Variants in ARHGAP10 observed in about 807,000 individuals in gnomAD.
ARHGAP10 encodes the protein Rho GTPase activating protein 10.
A neutral mutation model predicts 108.6 loss-of-function variants in ARHGAP10; 87 were observed. That is an observed-to-expected ratio of 0.80 (90% CI 0.67 to 0.96). ARHGAP10 has a LOEUF of 0.96. Ranked by LOEUF, ARHGAP10 falls within the 40% of genes least tolerant of loss-of-function variation. ARHGAP10 has a pLI of 0.00. For synonymous variants in ARHGAP10, 347 were observed against 341.1 expected (o/e 1.02, Z -0.19); for missense variants, 939 against 954.5 (o/e 0.98, Z 0.21).
chr4:147,962,225 G>T (rs973271348), intron 16 of ARHGAP10, among the ~76,000 whole-genome samples: 6 of 152,164 alleles, frequency 3.9e-5, no homozygotes, highest in African/African-American at 1.4e-4. Flanking sequence ...GTGAAACACT[G>T]CTCGTCTCTG....
At chr4:147,972,497 G>C (rs1420053552) in intron 18 of ARHGAP10, among the ~76,000 whole-genome samples, 3 of 152,150 alleles carry the variant, frequency 2.0e-5, no homozygotes, top group Admixed American at 2.0e-4. Context: ...GGTTTGAACT[G>C]AGATTGACCC....
At chr4:147,783,124 A>G (rs28489636) in intron 1 of ARHGAP10, among the ~76,000 whole-genome samples, 49 of 142,918 alleles carry the variant, frequency 3.4e-4, no homozygotes, top group African/African-American at 1.2e-3. Flanking sequence ...ATTATATATT[A>G]TATAATTTAT....
At chr4:147,901,252 A>G (rs17024101) in intron 10 of ARHGAP10, among the ~76,000 whole-genome samples, 4,860 of 152,298 alleles carry the variant, frequency 0.032, 190 homozygotes, top group African/African-American at 0.094. Flanking sequence ...TATTTTTCCT[A>G]CACTAATACT....
intron 5 of ARHGAP10, among the ~76,000 whole-genome samples, chr4:147,858,651 C>G (rs1448793715): frequency 6.6e-6 from 1 of 152,154 alleles, no homozygotes; most frequent in Non-Finnish European, 1.5e-5. Context: ...GGGTAGGGCT[C>G]TGTTCTCTCC....
chr4:147,900,336 A>T (rs1402187583), intron 10 of ARHGAP10, among the ~76,000 whole-genome samples: 1 of 152,250 alleles, frequency 6.6e-6, no homozygotes, highest in East Asian at 1.9e-4. Flanking sequence ...AAAAGAATTT[A>T]TGAATTTAAG....
intron 1 of ARHGAP10, among the ~76,000 whole-genome samples, chr4:147,786,155 T>G (rs931356496): frequency 4.4e-4 from 67 of 151,982 alleles, no homozygotes; most frequent in African/African-American, 1.5e-3. Flanking sequence ...TCTAAAGAGG[T>G]CTGTGAAGTA....
intron 1 of ARHGAP10, among the ~76,000 whole-genome samples, chr4:147,776,613 C>T (rs1216097775): frequency 6.6e-6 from 1 of 152,164 alleles, no homozygotes; most frequent in African/African-American, 2.4e-5. Context: ...AGACAGCAAG[C>T]TGACTAGAAA....
intron 20 of ARHGAP10, among the ~76,000 whole-genome samples, chr4:148,051,247 C>T (rs965460411): frequency 6.6e-6 from 1 of 152,208 alleles, no homozygotes; most frequent in East Asian, 1.9e-4. Context: ...CTCAGTAAGG[C>T]GATGGGTGAC....
At chr4:148,046,787 A>G in intron 19 of ARHGAP10, 105 bp from the exon 20 acceptor site, 1 of 1,173,358 alleles carries the variant, frequency 8.5e-7, no homozygotes, top group Non-Finnish European at 1.2e-6. Context: ...CTGTAAATGT[A>G]ATTTTATCAT....
rs552912280 is a variant in ARHGAP10, at chr4:147,791,996, G to A, written c.155-30731G>A. 1.9e-3 allele frequency among the ~76,000 whole-genome samples: 296 copies of A among 152,282 alleles called. 2 individuals carry two copies. Among genetic ancestry groups the A allele is most frequent in the African/African-American group, 6.9e-3 (287 of 41,548 alleles). On this transcript the variant is annotated intron_variant, in intron 1 of 22. Coordinates refer to ENST00000336498, the MANE Select transcript of ARHGAP10 (RefSeq NM_024605.4). Reference sequence around the variant, plus strand: ...AACATTCTTATACATGTCTCCTGACGCGTGTATGATGTGTATGTGCGTTTC... The same window carrying A: ...AACATTCTTATACATGTCTCCTGACACGTGTATGATGTGTATGTGCGTTTC...
intron 10 of ARHGAP10, among the ~76,000 whole-genome samples, chr4:147,900,782 T>G (rs1057439832): frequency 6.6e-6 from 1 of 151,540 alleles, no homozygotes; most frequent in Admixed American, 6.6e-5. Context: ...TTTTCCCTCC[T>G]TCCTCCCTTT....
rs112177385 is a variant in ARHGAP10 at position 147,930,408 on chromosome 4, A to G, written c.1229-9417A>G. On this transcript the variant is annotated intron_variant, in intron 13 of 22. Transcript: ENST00000336498. Reference sequence around the variant, plus strand: ...ATTTGTTAAATATATACCATAGGCTAAGGACAAGTTGAGGTATTAAGAATA... The same window carrying G: ...ATTTGTTAAATATATACCATAGGCTGAGGACAAGTTGAGGTATTAAGAATA... 3.7e-3 allele frequency among the ~76,000 whole-genome samples: 571 copies of G among 152,320 alleles called. 3 individuals are homozygous for G. The highest frequency in any genetic ancestry group is 0.013 in the African/African-American group (546 of 41,570).
At chr4:147,759,568 T>A (rs2126703368) in intron 1 of ARHGAP10, among the ~76,000 whole-genome samples, 1 of 132,108 alleles carries the variant, frequency 7.6e-6, no homozygotes, top group African/African-American at 2.8e-5. Flanking sequence ...CTGGGTAGCA[T>A]AGTGATACAC....
chr4:147,935,811 A>G (rs1737907086), intron 13 of ARHGAP10, among the ~76,000 whole-genome samples: 2 of 152,242 alleles, frequency 1.3e-5, no homozygotes, highest in South Asian at 4.1e-4. Context: ...GCGATTTCCA[A>G]GCTGCTTTTG....
intron 5 of ARHGAP10, among the ~76,000 whole-genome samples, chr4:147,858,922 C>G (rs1478251302): frequency 1.3e-5 from 2 of 152,194 alleles, no homozygotes; most frequent in African/African-American, 2.4e-5. Flanking sequence ...CTTACACTCC[C>G]CATCTAGTCC....
At chr4:147,962,459 G>T (rs1739037269) in intron 16 of ARHGAP10, among the ~76,000 whole-genome samples, 1 of 152,198 alleles carries the variant, frequency 6.6e-6, no homozygotes, top group Non-Finnish European at 1.5e-5. Context: ...TTTTGCAGAT[G>T]AGGGAGCTGA....
chr4:148,009,536 G>A (rs965215344), intron 18 of ARHGAP10, among the ~76,000 whole-genome samples: 4 of 152,222 alleles, frequency 2.6e-5, no homozygotes, highest in Non-Finnish European at 5.9e-5. Context: ...GATATAATGT[G>A]TTAACAATTT....
chr4:147,805,201 A>G (rs1286129901), intron 1 of ARHGAP10, among the ~76,000 whole-genome samples: 1 of 152,188 alleles, frequency 6.6e-6, no homozygotes, highest in Non-Finnish European at 1.5e-5. Flanking sequence ...ATGGCTAGCC[A>G]GTTGTTCCAG....
chr4:147,903,014 C>A (rs368266632), intron 10 of ARHGAP10, among the ~76,000 whole-genome samples: 2 of 152,072 alleles, frequency 1.3e-5, no homozygotes, highest in African/African-American at 4.8e-5. Flanking sequence ...GGAAGTCTAC[C>A]CCTATGATCA....
Sources: allele counts gnomAD v4.1 joint callset (sites outside exome capture counted in the v4.1 genomes callset), GRCh38; gene constraint gnomAD v4.1.1; transcripts MANE v1.5; gene names NCBI Gene and HGNC (gene_info 2026-07-23, HGNC 2026-07-21).